PKNOX2: variants seen among roughly 807,000 people sequenced by gnomAD.
The protein encoded by PKNOX2 is PBX/knotted 1 homeobox 2.
PKNOX2 carries 14 observed loss-of-function variants against 53.1 expected under a neutral mutation model. That is an observed-to-expected ratio of 0.26 (90% CI 0.17 to 0.41). PKNOX2 has a LOEUF of 0.41. Ranked by LOEUF, PKNOX2 falls within the 10% of genes least tolerant of loss-of-function variation. PKNOX2 has a pLI of 1.00. For missense variants in PKNOX2, 496 were observed against 602.8 expected, an observed-to-expected ratio of 0.82 and a Z score of 1.85; for synonymous variants, 257 against 242.8, an observed-to-expected ratio of 1.06 and a Z score of -0.54.
At chr11:125,297,481 A>C (rs1483310986) in intron 2 of PKNOX2, among the ~76,000 whole-genome samples, 1 of 152,240 alleles carries the variant, frequency 6.6e-6, no homozygotes, top group Non-Finnish European at 1.5e-5. Context: ...CATTAGTCTG[A>C]CAGCATGAGT....
At chr11:125,304,635 T>C (rs775761959) in intron 2 of PKNOX2, among the ~76,000 whole-genome samples, 5 of 152,192 alleles carry the variant, frequency 3.3e-5, no homozygotes, top group Non-Finnish European at 5.9e-5. Flanking sequence ...GCATTTTATA[T>C]CAAGAGACTT....
At position 125,269,077 on chromosome 11, in the gene PKNOX2, T is replaced by G. The variant is rs554938441; in HGVS notation, c.-130+33962T>G. 1.0e-3 allele frequency among the ~76,000 whole-genome samples: 156 copies of G among 152,340 alleles called. 1 individual carries two copies. The highest frequency in any genetic ancestry group is 1.9e-3 in the Non-Finnish European group (132 of 68,028). ...AAGTGTCTCATGGGAGGAAGAAGGA[T>G]GAAAGAGATGGGAATTCTTGTAAAT... On this transcript the variant is annotated intron_variant, in intron 2 of 12. Transcript: ENST00000298282.
Position 125,311,952 on chromosome 11 carries a change from G to T in PKNOX2, c.-129-19867G>T, listed in dbSNP as rs181469430. Among the ~76,000 whole-genome samples the T allele has an allele frequency of 2.9e-4, 44 of 152,202 alleles. No individual in the cohort carries two copies. In the East Asian group the frequency reaches 7.4e-3, roughly 25 times the overall value. ...ACCCGGGAGGTGGAGGTTACAGTGA[G>T]CGAGATCACACCACTGTACTCCAGC... On this transcript the variant is annotated intron_variant, in intron 2 of 12. Transcript: ENST00000298282.
chr11:125,238,269 C>T (rs1375438658), intron 2 of PKNOX2, among the ~76,000 whole-genome samples: 2 of 152,232 alleles, frequency 1.3e-5, no homozygotes, highest in African/African-American at 2.4e-5. Context: ...GGGGCAGGGG[C>T]GAGAGGGGTG....
intron 1 of PKNOX2, among the ~76,000 whole-genome samples, chr11:125,216,479 G>A (rs966730961): frequency 5.3e-5 from 8 of 152,166 alleles, no homozygotes; most frequent in South Asian, 2.1e-4. Context: ...TGAGAAACCC[G>A]CCTGGGGAGG....
chr11:125,283,612 A>C (rs1946717110), intron 2 of PKNOX2, among the ~76,000 whole-genome samples: 1 of 152,236 alleles, frequency 6.6e-6, no homozygotes, highest in African/African-American at 2.4e-5. Context: ...AGGATACAAT[A>C]AAGTAAAGAT....
At chr11:125,287,495 G>A (rs1471394914) in intron 2 of PKNOX2, among the ~76,000 whole-genome samples, 1 of 152,196 alleles carries the variant, frequency 6.6e-6, no homozygotes, top group Non-Finnish European at 1.5e-5. Context: ...TGACTCCTCT[G>A]TCCCATGTGG....
At chr11:125,221,724 T>C (rs1941171624) in intron 1 of PKNOX2, among the ~76,000 whole-genome samples, 1 of 152,184 alleles carries the variant, frequency 6.6e-6, no homozygotes, top group Non-Finnish European at 1.5e-5. Flanking sequence ...ACAATTTGTA[T>C]GCAATTTGTT....
At chr11:125,345,362 C>T (rs1950914405) in intron 3 of PKNOX2, among the ~76,000 whole-genome samples, 1 of 152,146 alleles carries the variant, frequency 6.6e-6, no homozygotes, top group South Asian at 2.1e-4. Flanking sequence ...CATCCTCTCT[C>T]TCCATTCTGT....
At chr11:125,290,135 T>C (rs929333479) in intron 2 of PKNOX2, among the ~76,000 whole-genome samples, 6 of 152,106 alleles carry the variant, frequency 3.9e-5, no homozygotes, top group African/African-American at 1.2e-4. Flanking sequence ...AGGTCTCTGA[T>C]GTGAGCTGGA....
chr11:125,418,838 A>G (rs1956023582), intron 10 of PKNOX2, among the ~76,000 whole-genome samples: 1 of 152,008 alleles, frequency 6.6e-6, no homozygotes, highest in Non-Finnish European at 1.5e-5. Context: ...TATTCCCTAA[A>G]CAACACAGTA....
chr11:125,368,989 G>A (rs571543979), intron 5 of PKNOX2, among the ~76,000 whole-genome samples: 7 of 152,186 alleles, frequency 4.6e-5, no homozygotes, highest in African/African-American at 1.2e-4. Flanking sequence ...CAGCAGGTGC[G>A]AATGCCAGTA....
chr11:125,187,916 T>C (rs1205901043), intron 1 of PKNOX2, among the ~76,000 whole-genome samples: 1 of 152,174 alleles, frequency 6.6e-6, no homozygotes, highest in East Asian at 1.9e-4. Context: ...ATATTTGGAG[T>C]CTTGCTCAGA....
intron 1 of PKNOX2, among the ~76,000 whole-genome samples, chr11:125,222,787 ATGTGTGTGTGTGTGTGCGTGTG>A (rs1458548080): frequency 1.5e-5 from 2 of 134,696 alleles, no homozygotes; most frequent in Admixed American, 7.3e-5. Flanking sequence ...GTATGTGTGT[ATGTGTGTGTGTGTGTGCGTGTG>A]TATGTGTGTG....
chr11:125,250,690 C>A (rs192107974), intron 2 of PKNOX2, among the ~76,000 whole-genome samples: 26 of 152,318 alleles, frequency 1.7e-4, no homozygotes, highest in Non-Finnish European at 4.4e-5. Context: ...AATTTCAGAA[C>A]GACAGAGGTG....
intron 1 of PKNOX2, among the ~76,000 whole-genome samples, chr11:125,174,499 A>C (rs1362073962): frequency 6.6e-6 from 1 of 152,098 alleles, no homozygotes; most frequent in East Asian, 1.9e-4. Context: ...AGCCCCTTTC[A>C]AGTCTATTCT....
rs1479273541 is a variant in PKNOX2, at chr11:125,183,366, G to A, written c.-201+18590G>A. ...CGAGTAGCTGGGACTACAGGCGCCC[G>A]CCACCGCGCCCGGCTAATTTTTTGT... On this transcript the variant is annotated intron_variant, in intron 1 of 12. Transcript: ENST00000298282. Among the ~76,000 whole-genome samples, 43 of 92,794 alleles carry A rather than the reference G, an allele frequency of 4.6e-4. 9 individuals are homozygous for A. Among genetic ancestry groups the A allele is most frequent in the African/African-American group, 1.4e-3 (35 of 25,186 alleles). The allele number at this position is 92,794 out of a possible 152,430, so 60.9% of individuals were successfully genotyped here. A position where few individuals can be genotyped will look rare whatever the true frequency, so the allele number is the denominator to read the frequency against.
At chr11:125,312,228 A>G (rs1948852002) in intron 2 of PKNOX2, among the ~76,000 whole-genome samples, 1 of 152,210 alleles carries the variant, frequency 6.6e-6, no homozygotes, top group African/African-American at 2.4e-5. Context: ...GATGTTCAGT[A>G]TGATCGGGTC....
rs1436359037 is a variant in PKNOX2 at position 125,422,675 on chromosome 11, C to T, written c.937-6337C>T. Among the ~76,000 whole-genome samples the T allele has an allele frequency of 6.6e-6, 1 of 152,110 alleles. No individual in the cohort carries two copies. Among genetic ancestry groups the T allele is most frequent in the Non-Finnish European group, 1.5e-5 (1 of 68,022 alleles). ...CAAGAGACCCCTGGGTTGCACTGAG[C>T]CCCAGGACACCCCAGAGGGCTGCAG... is the stretch of plus-strand genomic sequence containing the variant. On this transcript the variant is annotated intron_variant, in intron 10 of 12. Coordinates refer to ENST00000298282, the MANE Select transcript of PKNOX2 (RefSeq NM_001382323.2). The surrounding 1 kb of genome is among the most constrained non-coding windows in gnomAD (Gnocchi z 4.1).
Sources: allele counts gnomAD v4.1 joint callset (sites outside exome capture counted in the v4.1 genomes callset), GRCh38; gene constraint gnomAD v4.1.1; non-coding constraint Gnocchi (gnomAD v3.1); transcripts MANE v1.5; gene names NCBI Gene and HGNC (gene_info 2026-07-23, HGNC 2026-07-21).